CUBN: variants seen among roughly 807,000 people sequenced by gnomAD.
The protein encoded by CUBN is cubilin.
A neutral mutation model predicts 405.3 loss-of-function variants in CUBN; 282 were observed. The observed-to-expected ratio is 0.70, with a 90% CI of 0.63 to 0.77. The LOEUF (loss-of-function observed/expected upper bound fraction) is 0.77, where lower values mean the gene tolerates loss of function less well. Among genes scored for constraint, CUBN ranks in the 30% least tolerant of loss-of-function variants. The pLI is 0.00. For synonymous variants in CUBN, 1,684 were observed against 1,617.0 expected (o/e 1.04, Z -0.99); for missense variants, 4,514 against 4,475.2 (o/e 1.01, Z -0.25).
intron 65 of CUBN, among the ~76,000 whole-genome samples, chr10:16,830,098 G>A (rs1259315911): frequency 1.3e-5 from 2 of 152,146 alleles, no homozygotes; most frequent in African/African-American, 4.8e-5. Context: ...ACTACACCCA[G>A]TTAATTTTTG....
intron 60 of CUBN, among the ~76,000 whole-genome samples, chr10:16,841,920 A>G (rs1486528803): frequency 3.6e-4 from 55 of 151,330 alleles, no homozygotes; most frequent in African/African-American, 1.3e-3. Context: ...CAAAAAAAAA[A>G]AAAAAAAAAA....
rs768592368 is a variant in CUBN, at chr10:16,900,646, T to C, written c.8389A>G (p.Thr2797Ala). ...TTACCTAAAGTTTGTGTGTTCCACGTAGCATAAAATCCACCACCTTGCAAT... is the reference window on the plus strand; with the variant it reads ...TTACCTAAAGTTTGTGTGTTCCACGCAGCATAAAATCCACCACCTTGCAAT... ...HSLQGGGFYA[T>A]WNTQTLGCGG... Residue 2797 changes from threonine (T) to alanine (A), a missense_variant, in exon 53 of 67, where the codon ACG becomes GCG. This residue lies in a region of CUBN where 1,186 missense variants were observed against 1,186.9 expected (regional missense o/e 1.00). Transcript: ENST00000377833. The C allele has an allele frequency of 5.0e-6, 8 of 1,613,700 alleles. No individual in the cohort carries two copies. In the African/African-American group the frequency reaches 6.7e-5, roughly 13 times the overall value.
intron 60 of CUBN, among the ~76,000 whole-genome samples, chr10:16,848,333 T>C (rs763087304): frequency 3.3e-5 from 5 of 152,206 alleles, no homozygotes; most frequent in Non-Finnish European, 5.9e-5. Context: ...TTTTTAGTTT[T>C]TAAGAAAAAG....
At chr10:17,012,149 T>C (rs1281629725) in intron 28 of CUBN, among the ~76,000 whole-genome samples, 1 of 152,146 alleles carries the variant, frequency 6.6e-6, no homozygotes, top group African/African-American at 2.4e-5. Context: ...TGTAAGACCA[T>C]CTGTAGCCTG....
intron 60 of CUBN, among the ~76,000 whole-genome samples, chr10:16,843,360 A>C (rs1839414054): frequency 1.3e-5 from 2 of 152,232 alleles, no homozygotes; most frequent in South Asian, 4.1e-4. Context: ...GCCTCAGAAC[A>C]GCCATGACCA....
chr10:16,967,407 G>A (rs1047241605), intron 31 of CUBN, among the ~76,000 whole-genome samples: 1 of 152,178 alleles, frequency 6.6e-6, no homozygotes, highest in African/African-American at 2.4e-5. Context: ...AGGAGAGTCT[G>A]AGCTGAAATG....
At position 16,996,358 on chromosome 10, in the gene CUBN, A is replaced by G. The variant is rs192567191; in HGVS notation, c.4169-5843T>C. Among the ~76,000 whole-genome samples the G allele has an allele frequency of 3.3e-5, 5 of 152,330 alleles. No homozygotes were observed. The East Asian group carries it at 9.6e-4, about 29-fold the overall frequency. On this transcript the variant is annotated intron_variant, in intron 28 of 66. Transcript: ENST00000377833. The stretch of plus-strand genomic sequence containing the variant: ...ATCTGTTTGCCTTGATTTTCCTCCA[A>G]ACTCTCACTCATCTGCCGAAAGGAA...
At chr10:16,864,074 C>A (rs1840093271) in intron 59 of CUBN, among the ~76,000 whole-genome samples, 2 of 152,096 alleles carry the variant, frequency 1.3e-5, no homozygotes, top group Non-Finnish European at 2.9e-5. Context: ...CTAATGTGTT[C>A]TATATGGTAT....
At position 17,103,246 on chromosome 10, in the gene CUBN, GA is replaced by G; in HGVS notation, c.1418-10del. The G allele has an allele frequency of 6.5e-7, 1 of 1,537,690 alleles. No homozygotes were observed. The highest frequency in any genetic ancestry group is 9.0e-7 in the Non-Finnish European group (1 of 1,110,410). ...GAGGGACTCTCCACAAACTGCAAAG[GA>G]AAAGATGAACTGTGCTTTTCAGAGG... On this transcript the variant is annotated splice_polypyrimidine_tract_variant and intron_variant, in intron 12 of 66. Coordinates refer to ENST00000377833, the MANE Select transcript of CUBN (RefSeq NM_001081.4).
intron 31 of CUBN, chr10:16,965,650 G>A (rs1387529725): frequency 6.6e-6 from 1 of 151,174 alleles, no homozygotes; most frequent in Non-Finnish European, 1.5e-5. Flanking sequence ...TTTTTCTACT[G>A]GATTTTTTAT....
chr10:16,843,703 C>G (rs148047124), intron 60 of CUBN, among the ~76,000 whole-genome samples: 211 of 152,178 alleles, frequency 1.4e-3, no homozygotes, highest in African/African-American at 4.8e-3. Context: ...GTGCTAGATC[C>G]CAGGCATACA....
intron 27 of CUBN, among the ~76,000 whole-genome samples, chr10:17,039,264 G>A (rs1477785567): frequency 6.6e-6 from 1 of 152,200 alleles, no homozygotes; most frequent in Non-Finnish European, 1.5e-5. Flanking sequence ...ATTGCACTGC[G>A]TGTGTAGGAG....
At chr10:17,113,910 C>G in intron 8 of CUBN, 117 bp downstream of exon 8, 3 of 1,021,050 alleles carry the variant, frequency 2.9e-6, no homozygotes, top group Non-Finnish European at 4.5e-6. Context: ...GGACACAAAA[C>G]TGGATTTGAA....
chr10:16,919,210 T>C (rs1588649966), intron 44 of CUBN, among the ~76,000 whole-genome samples: 1 of 152,206 alleles, frequency 6.6e-6, no homozygotes, highest in South Asian at 2.1e-4. Context: ...TAATGGAGCG[T>C]CCCAACTGGA....
Position 16,919,994 on chromosome 10 carries a change from C to G in CUBN, c.6790G>C (p.Glu2264Gln). 1 of 1,613,742 alleles carries G rather than the reference C, an allele frequency of 6.2e-7. No homozygotes were observed. Reference sequence around the variant, plus strand: ...GTTACTTCAATATCGAATCGATCTTCAAATTGCAGCTGTATGCGTGTTTCC... The same window carrying G: ...GTTACTTCAATATCGAATCGATCTTGAAATTGCAGCTGTATGCGTGTTTCC... ...PPETRIQLQF[E>Q]DRFDIEVTPN... Residue 2264 changes from glutamate to glutamine, a missense_variant, in exon 44 of 67, where the codon GAA becomes CAA. By Grantham distance (29) the Glu-to-Gln change is conservative (BLOSUM62 2). Around this residue, in one of 5 missense-constraint regions of CUBN, gnomAD observed 1,613 missense variants for 1,542.8 expected, o/e 1.05. Coordinates refer to ENST00000377833, the MANE Select transcript of CUBN (RefSeq NM_001081.4).
At chr10:16,993,430 C>T (rs978147478) in intron 28 of CUBN, among the ~76,000 whole-genome samples, 1 of 152,138 alleles carries the variant, frequency 6.6e-6, no homozygotes, top group Non-Finnish European at 1.5e-5. Context: ...TAACAGGATA[C>T]TAATACCCTT....
chr10:16,882,263 A>G (rs1489170250), intron 56 of CUBN, among the ~76,000 whole-genome samples: 2 of 152,220 alleles, frequency 1.3e-5, no homozygotes, highest in Non-Finnish European at 2.9e-5. Context: ...CCGGGAACTC[A>G]GTAATTCTTA....
chr10:16,921,245 T>C (rs1362629230), intron 43 of CUBN, among the ~76,000 whole-genome samples: 3 of 152,228 alleles, frequency 2.0e-5, no homozygotes, highest in Non-Finnish European at 2.9e-5. Flanking sequence ...ACAAAGAAAG[T>C]AGAAGAAATC....
At chr10:16,878,504 GA>G (rs1238041707) in intron 56 of CUBN, among the ~76,000 whole-genome samples, 4 of 152,072 alleles carry the variant, frequency 2.6e-5, no homozygotes, top group Non-Finnish European at 5.9e-5. Flanking sequence ...AATATTTGAG[GA>G]AGTTTTTCAT....
Sources: allele counts gnomAD v4.1 joint callset (sites outside exome capture counted in the v4.1 genomes callset), GRCh38; gene constraint gnomAD v4.1.1; regional missense constraint gnomAD v4.1.1; transcripts MANE v1.5; gene names NCBI Gene and HGNC (gene_info 2026-07-23, HGNC 2026-07-21).